The following HNMT variants were observed in gnomAD, a reference collection of about 807,000 sequenced individuals.
HNMT encodes histamine N-methyltransferase.
A neutral mutation model predicts 32.1 loss-of-function variants in HNMT; 30 were observed. The ratio of observed to expected loss-of-function variants is 0.93; its 90% CI spans 0.70 to 1.27. The LOEUF (loss-of-function observed/expected upper bound fraction) is 1.27. HNMT is among the 50% of genes most tolerant of loss of function. The pLI is 0.00. For synonymous variants in HNMT, 125 were observed against 119.0 expected, an observed-to-expected ratio of 1.05 and a Z score of -0.33; for missense variants, 327 against 346.0, an observed-to-expected ratio of 0.95 and a Z score of 0.43.
At chr2:138,008,794 A>G (rs1316835031) in intron 5 of HNMT, among the ~76,000 whole-genome samples, 1 of 151,898 alleles carries the variant, frequency 6.6e-6, no homozygotes, top group Admixed American at 6.6e-5. Flanking sequence ...CTTAAAGACT[A>G]CCTAAAACTA....
At chr2:137,999,283 A>C (rs148733007) in intron 2 of HNMT, among the ~76,000 whole-genome samples, 1 of 152,302 alleles carries the variant, frequency 6.6e-6, no homozygotes, top group Non-Finnish European at 1.5e-5. Context: ...GTGGCCAATA[A>C]TAAATGGCAG....
rs2104975846 is a variant in HNMT, at chr2:138,002,135, C to G, written c.370C>G (p.Gln124Glu). Residue 124 changes from glutamine (Q) to glutamate (E), a missense_variant, in exon 4 of 6, where the codon CAA becomes GAA. Coordinates refer to ENST00000280097, the MANE Select transcript of HNMT (RefSeq NM_006895.3). The part of the protein sequence containing the change: ...AWHKETSSEY[Q>E]SRMLEKKELQ... ...GCATAAGGAGACATCATCTGAATAC[C>G]AAAGTAGAATGTTGGAGAAAAAGGA... The G allele has an allele frequency of 6.2e-7, 1 of 1,600,086 alleles. No individual in the cohort carries two copies. The highest frequency in any genetic ancestry group is 1.1e-5 in the South Asian group (1 of 88,922).
At chr2:137,986,063 G>A (rs1364019577) in intron 2 of HNMT, among the ~76,000 whole-genome samples, 1 of 151,942 alleles carries the variant, frequency 6.6e-6, no homozygotes. Flanking sequence ...ATGGTAATTA[G>A]CGTAGAGAGG....
intron 5 of HNMT, among the ~76,000 whole-genome samples, chr2:138,005,892 A>G (rs2104981781): frequency 1.3e-5 from 2 of 151,610 alleles, no homozygotes; most frequent in African/African-American, 4.8e-5. Context: ...AGCAATCTTT[A>G]TGGATTTTCT....
chr2:137,976,922 G>A (rs1680305201), intron 2 of HNMT, among the ~76,000 whole-genome samples: 1 of 152,178 alleles, frequency 6.6e-6, no homozygotes, highest in South Asian at 2.1e-4. Flanking sequence ...CATAGTGTTA[G>A]AACACTGGAG....
chr2:137,989,431 A>G (rs1435497250), intron 2 of HNMT, among the ~76,000 whole-genome samples: 1 of 152,132 alleles, frequency 6.6e-6, no homozygotes, highest in Non-Finnish European at 1.5e-5. Flanking sequence ...GTACTGAATG[A>G]TATTCTATTG....
chr2:138,002,853 G>A, intron 4 of HNMT: 1 of 812,644 alleles, frequency 1.2e-6, no homozygotes, highest in Non-Finnish European at 1.5e-6. Flanking sequence ...CAATGTCCCA[G>A]AGTGTTTCTG....
chr2:137,972,798 A>G (rs1415482754), intron 2 of HNMT, among the ~76,000 whole-genome samples: 1 of 152,204 alleles, frequency 6.6e-6, no homozygotes, highest in Non-Finnish European at 1.5e-5. Flanking sequence ...TACAAGAAAA[A>G]GTAATTAAAA....
intron 4 of HNMT, 47 bp from the exon 5 acceptor site, chr2:138,005,085 A>T (rs2104980662): frequency 9.7e-7 from 1 of 1,033,272 alleles, no homozygotes; most frequent in Non-Finnish European, 1.5e-6. Flanking sequence ...AGCAATAAAG[A>T]CTTCAACATA....
intron 2 of HNMT, among the ~76,000 whole-genome samples, chr2:137,975,811 G>A (rs1680269525): frequency 6.6e-6 from 1 of 152,196 alleles, no homozygotes; most frequent in Admixed American, 6.5e-5. Flanking sequence ...AACTTAAAAT[G>A]TGTGAGAAAA....
chr2:138,003,804 T>C (rs901395550), intron 4 of HNMT, among the ~76,000 whole-genome samples: 1 of 152,216 alleles, frequency 6.6e-6, no homozygotes, highest in Admixed American at 6.5e-5. Context: ...TTCCATCTTA[T>C]TGCAAAAACC....
intron 2 of HNMT, 80 bp downstream of exon 2, chr2:137,970,297 G>A: frequency 1.2e-6 from 1 of 827,540 alleles, no homozygotes; most frequent in Non-Finnish European, 1.9e-6. Context: ...CATTTTTTAG[G>A]AAGACTTTTT....
intron 2 of HNMT, among the ~76,000 whole-genome samples, chr2:137,971,000 G>A (rs1032575922): frequency 6.6e-6 from 1 of 151,032 alleles, no homozygotes; most frequent in African/African-American, 2.4e-5. Context: ...AATATAAACT[G>A]ATGCACAGCT....
intron 2 of HNMT, among the ~76,000 whole-genome samples, chr2:137,994,159 C>G (rs1680911437): frequency 6.6e-6 from 1 of 152,154 alleles, no homozygotes; most frequent in African/African-American, 2.4e-5. Context: ...GGGTCAAATT[C>G]ACACATAATG....
chr2:137,968,753 T>C (rs1458388870), intron 1 of HNMT, among the ~76,000 whole-genome samples: 2 of 152,170 alleles, frequency 1.3e-5, no homozygotes, highest in African/African-American at 4.8e-5. Context: ...AAATCATTTA[T>C]AGGTGTTCTC....
intron 4 of HNMT, among the ~76,000 whole-genome samples, chr2:138,003,945 T>C (rs1681257947): frequency 6.6e-6 from 1 of 152,072 alleles, no homozygotes; most frequent in African/African-American, 2.4e-5. Context: ...GTTCCTTCTT[T>C]CTTATAACAA....
chr2:138,004,130 A>G (rs1428774446), intron 4 of HNMT, among the ~76,000 whole-genome samples: 1 of 80,216 alleles, frequency 1.2e-5, no homozygotes, highest in Non-Finnish European at 4.1e-5. Flanking sequence ...AGAAAAATTT[A>G]AGGTATCTTC....
intron 2 of HNMT, among the ~76,000 whole-genome samples, chr2:137,990,188 T>C (rs940317347): frequency 6.6e-6 from 1 of 152,218 alleles, no homozygotes; most frequent in Non-Finnish European, 1.5e-5. Context: ...TTTTCCTCTG[T>C]GTTATATTTT....
chr2:138,006,830 T>C lies in HNMT; in HGVS notation c.523+1605T>C, dbSNP rs145717428. 3.0e-3 allele frequency among the ~76,000 whole-genome samples: 455 copies of C among 152,114 alleles called. 13 individuals carry two copies. Among genetic ancestry groups the C allele is most frequent in the Admixed American group, 0.028 (420 of 15,220 alleles). On this transcript the variant is annotated intron_variant, in intron 5 of 5. Transcript: ENST00000280097. ...CTGCATTATATTACATCTTTTCATA[T>C]ATGTGGCTCATAAGTACCATCTGTA...
Sources: gnomAD v4.1 joint callset for allele counts (sites outside exome capture counted in the v4.1 genomes callset) on GRCh38, gnomAD v4.1.1 for gene constraint, MANE v1.5 for transcripts, NCBI Gene and HGNC (gene_info 2026-07-23, HGNC 2026-07-21) for gene names.